Variants in TTC28 observed in about 807,000 individuals in gnomAD.
The protein encoded by TTC28 is tetratricopeptide repeat protein 28.
A neutral mutation model predicts 198.0 loss-of-function variants in TTC28; 61 were observed. The observed-to-expected ratio is 0.31, with a 90% CI of 0.25 to 0.38. TTC28 has a LOEUF of 0.38. Ranked by LOEUF, TTC28 falls within the 10% of genes least tolerant of loss-of-function variation. The pLI, the probability that TTC28 is intolerant of heterozygous loss-of-function variation, is 1.00. For missense variants in TTC28, 2,678 were observed against 3,164.0 expected (o/e 0.85, Z 3.69); for synonymous variants, 1,171 against 1,297.8 (o/e 0.90, Z 2.10).
At chr22:28,542,762 A>G (rs1293188448) in intron 2 of TTC28, among the ~76,000 whole-genome samples, 4 of 152,180 alleles carry the variant, frequency 2.6e-5, no homozygotes, top group Non-Finnish European at 5.9e-5. Context: ...ATATATCAAC[A>G]TTTACAGAAT....
intron 12 of TTC28, among the ~76,000 whole-genome samples, chr22:28,089,198 T>G (rs952759381): frequency 1.3e-5 from 2 of 152,142 alleles, no homozygotes; most frequent in African/African-American, 4.8e-5. Context: ...CATGCTGCTA[T>G]AAAGACACAT....
chr22:28,458,224 A>C (rs765946029), intron 2 of TTC28, among the ~76,000 whole-genome samples: 3 of 152,188 alleles, frequency 2.0e-5, no homozygotes, highest in Non-Finnish European at 1.5e-5. Context: ...ATAATAACAC[A>C]ATACATTTAA....
At chr22:28,336,055 T>A (rs2045711311) in intron 2 of TTC28, among the ~76,000 whole-genome samples, 1 of 152,236 alleles carries the variant, frequency 6.6e-6, no homozygotes, top group African/African-American at 2.4e-5. Flanking sequence ...CGAAGGGCTG[T>A]TGAATTTTGT....
At chr22:28,150,678 G>A (rs1943584402) in intron 6 of TTC28, among the ~76,000 whole-genome samples, 1 of 152,210 alleles carries the variant, frequency 6.6e-6, no homozygotes, top group African/African-American at 2.4e-5. Flanking sequence ...CACCATTGCT[G>A]GCAAAGCAAA....
At chr22:28,438,579 T>C (rs1394348454) in intron 2 of TTC28, among the ~76,000 whole-genome samples, 1 of 152,216 alleles carries the variant, frequency 6.6e-6, no homozygotes, top group Non-Finnish European at 1.5e-5. Context: ...TAACATTAGA[T>C]GAGCAATGAA....
At chr22:28,079,751 CAG>C (rs1050959157) in intron 12 of TTC28, among the ~76,000 whole-genome samples, 11 of 152,180 alleles carry the variant, frequency 7.2e-5, no homozygotes, top group Non-Finnish European at 1.2e-4. Flanking sequence ...TCCCCCAGTA[CAG>C]AGTCTCGCTC....
intron 12 of TTC28, among the ~76,000 whole-genome samples, chr22:28,050,192 G>A (rs1343619474): frequency 2.0e-5 from 3 of 152,070 alleles, no homozygotes; most frequent in Non-Finnish European, 4.4e-5. Flanking sequence ...CCGGAGCCAG[G>A]TGAGCTTGAA....
chr22:28,433,140 T>C (rs1401119258), intron 2 of TTC28, among the ~76,000 whole-genome samples: 1 of 152,202 alleles, frequency 6.6e-6, no homozygotes, highest in African/African-American at 2.4e-5. Context: ...CATTTTCCTA[T>C]GATTTTTAAA....
chr22:28,030,475 G>A (rs964194598), intron 12 of TTC28, 109 bp from the exon 13 acceptor site: 159 of 1,362,444 alleles, frequency 1.2e-4, no homozygotes, highest in Admixed American at 2.3e-4. Context: ...CTCTAGTACC[G>A]TTGTCTCCAG....
At chr22:28,557,554 G>A (rs958038172) in intron 2 of TTC28, among the ~76,000 whole-genome samples, 2 of 151,996 alleles carry the variant, frequency 1.3e-5, no homozygotes, top group African/African-American at 4.8e-5. Flanking sequence ...CTTGCTGCTC[G>A]CTCATTTTTG....
chr22:28,294,447 A>G (rs1050754883), intron 5 of TTC28, among the ~76,000 whole-genome samples: 3 of 152,130 alleles, frequency 2.0e-5, no homozygotes, highest in Non-Finnish European at 4.4e-5. Context: ...TCCTACAATG[A>G]TATTTCTTTA....
chr22:28,047,693 A>T (rs1009651856), intron 12 of TTC28, among the ~76,000 whole-genome samples: 1 of 152,180 alleles, frequency 6.6e-6, no homozygotes, highest in Admixed American at 6.5e-5. Context: ...CATTACTCTC[A>T]GCAGGCTTCC....
rs1055744784 is a variant in TTC28, at chr22:28,005,636, C to T, written c.4219-4083G>A. Among the ~76,000 whole-genome samples the T allele has an allele frequency of 6.6e-6, 1 of 152,160 alleles. No individual in the cohort carries two copies. The highest frequency in any genetic ancestry group is 2.4e-5 in the African/African-American group (1 of 41,438). ...GGCCTGCCCAGCCACGGGCCCAGAG[C>T]GCTGTCCCGTTGCCACCTTGCAGTC... On this transcript the variant is annotated intron_variant, in intron 14 of 22. Transcript: ENST00000397906. This position sits in a 1 kb window ranked among gnomAD's most constrained non-coding sequence, Gnocchi z 4.9.
At position 28,326,975 on chromosome 22, in the gene TTC28, A is replaced by AACACAC. The variant is rs57349023; in HGVS notation, c.382-20338_382-20333dup. Among the ~76,000 whole-genome samples, 1,209 of 142,898 alleles carry AACACAC rather than the reference A, an allele frequency of 8.5e-3. 19 individuals are homozygous for AACACAC. The highest frequency in any genetic ancestry group is 0.029 in the African/African-American group (1,077 of 37,360). The allele number at this position is 142,898 out of a possible 152,430, so 93.7% of individuals were successfully genotyped here. ...TCAATGAAAAGCATACACAAACACA[A>AACACAC]ACACACACACACACACACACACACA... is the stretch of plus-strand genomic sequence containing the variant. On this transcript the variant is annotated intron_variant, in intron 2 of 22. Transcript: ENST00000397906.
At chr22:28,198,600 C>T (rs1208224508) in intron 5 of TTC28, among the ~76,000 whole-genome samples, 1 of 152,008 alleles carries the variant, frequency 6.6e-6, no homozygotes, top group Non-Finnish European at 1.5e-5. Flanking sequence ...CTATAACAAG[C>T]ACCAAGATTT....
At chr22:28,635,943 A>AATG (rs1280198129) in intron 1 of TTC28, among the ~76,000 whole-genome samples, 1 of 151,732 alleles carries the variant, frequency 6.6e-6, no homozygotes, top group African/African-American at 2.4e-5. Context: ...CCCCTTAACC[A>AATG]ATGTCACCCC....
intron 15 of TTC28, chr22:27,999,714 G>A (rs1275731205): frequency 6.2e-6 from 1 of 162,070 alleles, no homozygotes; most frequent in Non-Finnish European, 1.3e-5. Flanking sequence ...GGGAGACAGG[G>A]CTAAACTTAA....
chr22:28,282,532 CTTTA>C (rs2044603599), intron 5 of TTC28, among the ~76,000 whole-genome samples: 2 of 152,126 alleles, frequency 1.3e-5, no homozygotes, highest in African/African-American at 2.4e-5. Flanking sequence ...AAATTTTTTA[CTTTA>C]TTTATTTTAA....
intron 2 of TTC28, among the ~76,000 whole-genome samples, chr22:28,355,450 A>G (rs2046061654): frequency 6.6e-6 from 1 of 152,218 alleles, no homozygotes; most frequent in African/African-American, 2.4e-5. Flanking sequence ...AGAAGAATCA[A>G]GATGAAAACT....
Sources: gnomAD v4.1 joint callset for allele counts (sites outside exome capture counted in the v4.1 genomes callset) on GRCh38, gnomAD v4.1.1 for gene constraint, Gnocchi (gnomAD v3.1) non-coding constraint, MANE v1.5 for transcripts, NCBI Gene and HGNC (gene_info 2026-07-23, HGNC 2026-07-21) for gene names.